The following RP9 variants were observed in gnomAD, a reference collection of about 807,000 sequenced individuals.
RP9 encodes retinitis pigmentosa 9 protein.
Under a neutral mutation model 32.6 loss-of-function variants are expected in RP9, and 23 were observed. That is an observed-to-expected ratio of 0.71 (90% CI 0.51 to 1.00). RP9 has a LOEUF of 1.00. RP9 is among the 50% of genes least tolerant of loss of function. The pLI, the probability that RP9 is intolerant of heterozygous loss-of-function variation, is 0.00. For missense variants in RP9, 245 were observed against 285.3 expected (o/e 0.86, Z 1.02); for synonymous variants, 94 against 103.6 (o/e 0.91, Z 0.56).
At chr7:33,103,878 GA>G (rs914853061) in intron 1 of RP9, among the ~76,000 whole-genome samples, 5 of 150,004 alleles carry the variant, frequency 3.3e-5, no homozygotes, top group Admixed American at 6.6e-5. Context: ...AGATATTAGA[GA>G]AAAAAAAATT....
intron 2 of RP9, 102 bp downstream of exon 2, chr7:33,100,429 G>T: frequency 9.7e-7 from 1 of 1,026,458 alleles, no homozygotes; most frequent in Non-Finnish European, 1.5e-6. Flanking sequence ...ACAGGCTTTT[G>T]GTAAAAGGAG....
intron 1 of RP9, among the ~76,000 whole-genome samples, chr7:33,106,688 A>G (rs1173143508): frequency 6.6e-6 from 1 of 152,164 alleles, no homozygotes; most frequent in African/African-American, 2.4e-5. Context: ...GCTCACGCCT[A>G]TAATCCCAGC....
Position 33,097,321 on chromosome 7 carries a change from C to G in RP9, c.355G>C (p.Glu119Gln), listed in dbSNP as rs1788351453. The change falls in exon 4 of 6, where the codon GAA becomes CAA. Residue 119 changes from glutamate to glutamine, a missense_variant. This residue lies in a region of RP9 where 182 missense variants were observed against 175.5 expected (regional missense o/e 1.04). Transcript: ENST00000297157. ...TTGCCTTTGATAAAGAAAGGGCATT[C>G]TTTGTCACCCGTTCGGTGACCATAG... Reference protein sequence around the residue: ...KRYGHRTGDKECPFFIKGNQK... With the variant: ...KRYGHRTGDKQCPFFIKGNQK... 6.2e-7 allele frequency: 1 copy of G among 1,614,046 alleles called. No individual in the cohort carries two copies. The highest frequency in any genetic ancestry group is 2.2e-5 in the East Asian group (1 of 44,872).
Position 33,109,142 on chromosome 7 carries a change from G to T in RP9, c.152+79C>A. On this transcript the variant is annotated intron_variant, in intron 1 of 5. Transcript: ENST00000297157. The surrounding 1 kb of genome is among the most constrained non-coding windows in gnomAD (Gnocchi z 4.9). ...GCGGGGGCTCGGAGGACCCGGCCTA[G>T]CGCCCACCGCGGCGTCCCGCGCCCC... 6.9e-7 allele frequency: 1 copy of T among 1,448,872 alleles called. No individual in the cohort carries two copies. 89.8% of individuals were successfully genotyped at this position (1,448,872 alleles called of 1,614,324 possible).
In RP9 at chr7:33,099,341, C is replaced by A; in HGVS notation, c.279G>T (p.Trp93Cys). The A allele has an allele frequency of 1.9e-6, 3 of 1,613,682 alleles. No homozygotes were observed. Among genetic ancestry groups the A allele is most frequent in the Non-Finnish European group, 2.5e-6 (3 of 1,179,972 alleles). ...CTTTGACTTCTTTCCCCAGTGGCAT[C>A]CAAAGTCCTTTAGTTGGTGCATGAG... is the stretch of plus-strand genomic sequence containing the variant. The part of the protein sequence containing the change: ...FLAHAPTKGL[W>C]MPLGKEVKVM... The change falls in exon 3 of 6, where the codon TGG becomes TGT. Residue 93 changes from tryptophan to cysteine, a missense_variant. By Grantham distance (215) the Trp-to-Cys change is radical (BLOSUM62 -2). This residue lies in a region of RP9 where 182 missense variants were observed against 175.5 expected (regional missense o/e 1.04). Coordinates refer to ENST00000297157, the MANE Select transcript of RP9 (RefSeq NM_203288.2).
At chr7:33,102,427 T>G (rs1212846159) in intron 1 of RP9, among the ~76,000 whole-genome samples, 1 of 152,152 alleles carries the variant, frequency 6.6e-6, no homozygotes, top group African/African-American at 2.4e-5. Context: ...TCCTCCTGTC[T>G]TGGCCTCCCA....
At position 33,098,904 on chromosome 7, in the gene RP9, G is replaced by C. The variant is rs547007680; in HGVS notation, c.313+403C>G. Among the ~76,000 whole-genome samples the C allele has an allele frequency of 2.6e-5, 4 of 152,292 alleles. No homozygotes were observed. In the South Asian group the frequency reaches 6.2e-4, roughly 24 times the overall value. ...GATAATAAAGAAGACTCAAGACACA[G>C]GAAAATGGGTGATCCAACACGGGAG... On this transcript the variant is annotated intron_variant, in intron 3 of 5. Transcript: ENST00000297157.
At chr7:33,102,287 C>T (rs527979483) in intron 1 of RP9, among the ~76,000 whole-genome samples, 7 of 152,264 alleles carry the variant, frequency 4.6e-5, no homozygotes, top group East Asian at 1.9e-4. Context: ...AGTATGTTCA[C>T]GCACAGTTTA....
At position 33,094,838 on chromosome 7, in the gene RP9, G is replaced by A. The variant is rs1442398168; in HGVS notation, c.*396C>T. Reference sequence around the variant, plus strand: ...TGAGCTTTTATTATTCTCAACAACAGAGAAGACTCCAGCCTGATGTCTATG... The same window carrying A: ...TGAGCTTTTATTATTCTCAACAACAAAGAAGACTCCAGCCTGATGTCTATG... On this transcript the variant is annotated 3_prime_UTR_variant, in exon 6 of 6. Coordinates refer to ENST00000297157, the MANE Select transcript of RP9 (RefSeq NM_203288.2). The A allele has an allele frequency of 4.4e-6, 1 of 228,716 alleles. No homozygotes were observed. Among genetic ancestry groups the A allele is most frequent in the Non-Finnish European group, 8.6e-6 (1 of 116,184 alleles). The allele number at this position is 228,716 out of a possible 1,614,324, so 14.2% of individuals were successfully genotyped here.
rs567255005 is a variant in RP9, at chr7:33,096,889, C to T, written c.406-335G>A. On this transcript the variant is annotated intron_variant, in intron 4 of 5. Coordinates refer to ENST00000297157, the MANE Select transcript of RP9 (RefSeq NM_203288.2). ...CATCTAAAGAAAAAATATACGGACA[C>T]TTTAATCTTACAGTTTAAAGACATG... Among the ~76,000 whole-genome samples the T allele has an allele frequency of 3.3e-5, 5 of 152,266 alleles. 1 individual carries two copies. The South Asian group carries it at 1.0e-3, about 32-fold the overall frequency.
intron 1 of RP9, among the ~76,000 whole-genome samples, chr7:33,104,191 G>T (rs1788467252): frequency 6.6e-6 from 1 of 152,058 alleles, no homozygotes; most frequent in Non-Finnish European, 1.5e-5. Flanking sequence ...AAACAAAATT[G>T]GGGAGAGGAA....
chr7:33,101,908 A>G (rs1476354239), intron 1 of RP9, among the ~76,000 whole-genome samples: 1 of 152,232 alleles, frequency 6.6e-6, no homozygotes, highest in Non-Finnish European at 1.5e-5. Context: ...CATTAATGCT[A>G]TACCTTATGC....
intron 2 of RP9, 101 bp from the exon 3 acceptor site, chr7:33,099,537 T>C: frequency 2.4e-6 from 3 of 1,242,524 alleles, no homozygotes; most frequent in Non-Finnish European, 3.5e-6. Context: ...GGGCTTCCGG[T>C]GCCAACATCA....
chr7:33,109,069 C>A lies in RP9; in HGVS notation c.152+152G>T. The A allele has an allele frequency of 8.3e-7, 1 of 1,204,374 alleles. No individual in the cohort carries two copies. The highest frequency in any genetic ancestry group is 3.5e-5 in the East Asian group (1 of 28,380). 74.6% of individuals were successfully genotyped at this position (1,204,374 alleles called of 1,614,324 possible). A position where few individuals can be genotyped will look rare whatever the true frequency, so the allele number is the denominator to read the frequency against. On this transcript the variant is annotated intron_variant, in intron 1 of 5. Coordinates refer to ENST00000297157, the MANE Select transcript of RP9 (RefSeq NM_203288.2). The surrounding 1 kb of genome is among the most constrained non-coding windows in gnomAD (Gnocchi z 4.9). ...AGTCCTTGACCGCGGCGCCCGACAT[C>A]GGTCGCCCGCACCAGGCTCCTGCCG...
chr7:33,099,362 A>G lies in RP9; in HGVS notation c.258T>C (p.His86=). The G allele has an allele frequency of 6.2e-7, 1 of 1,613,854 alleles. No individual in the cohort carries two copies. The highest frequency in any genetic ancestry group is 2.2e-5 in the East Asian group (1 of 44,872). The change falls in exon 3 of 6, where the codon CAT becomes CAC. Residue 86 remains histidine (H), a synonymous_variant. Coordinates refer to ENST00000297157, the MANE Select transcript of RP9 (RefSeq NM_203288.2). ...GCATCCAAAGTCCTTTAGTTGGTGC[A>G]TGAGCCAGAAATTCCCTGGCGTGTT... ...GNEHAREFLA[H]APTKGLWMPL...
At chr7:33,097,426 A>G in intron 3 of RP9, 64 bp from the exon 4 acceptor site, 1 of 1,156,546 alleles carries the variant, frequency 8.6e-7, no homozygotes, top group Non-Finnish European at 1.3e-6. Context: ...ATAAAGAATC[A>G]GCAGAATATA....
rs1418642959 is a variant in RP9, at chr7:33,095,335, T to C, written c.565A>G (p.Lys189Glu). The C allele has an allele frequency of 1.2e-6, 2 of 1,612,916 alleles. No individual in the cohort carries two copies. The change falls in exon 6 of 6, where the codon AAG becomes GAG. Residue 189 changes from lysine (K) to glutamate (E), a missense_variant. Lys to Glu is a moderately conservative substitution (Grantham distance 56). Coordinates refer to ENST00000297157, the MANE Select transcript of RP9 (RefSeq NM_203288.2). ...SEGKEKHKKK[K>E]KKEKHKKRKK... ...CTTTTCTTATGCTTTTCTTTCTTCT[T>C]CTTTTTCTTGTGTTTCTCTTTACCT... is the stretch of plus-strand genomic sequence containing the variant.
At chr7:33,105,665 GC>G (rs1339604183) in intron 1 of RP9, among the ~76,000 whole-genome samples, 1 of 152,134 alleles carries the variant, frequency 6.6e-6, no homozygotes, top group Non-Finnish European at 1.5e-5. Flanking sequence ...AAAGGGTCCT[GC>G]CCCATATCTG....
At chr7:33,102,050 G>T (rs971509248) in intron 1 of RP9, among the ~76,000 whole-genome samples, 10 of 152,180 alleles carry the variant, frequency 6.6e-5, no homozygotes, top group Admixed American at 5.2e-4. Context: ...TCAAAAAAAA[G>T]TAACTGTTCT....
Sources: gnomAD v4.1 joint callset for allele counts (sites outside exome capture counted in the v4.1 genomes callset) on GRCh38, gnomAD v4.1.1 for gene constraint, gnomAD v4.1.1 regional missense constraint, Gnocchi (gnomAD v3.1) non-coding constraint, MANE v1.5 for transcripts, NCBI Gene and HGNC (gene_info 2026-07-23, HGNC 2026-07-21) for gene names.